Variants in JARID2 observed in about 807,000 individuals in gnomAD.
JARID2 encodes the protein jumonji and AT-rich interaction domain containing 2.
Under a neutral mutation model 125.6 loss-of-function variants are expected in JARID2, and 21 were observed. The observed-to-expected ratio is 0.17, with a 90% confidence interval of 0.12 to 0.24. The LOEUF (loss-of-function observed/expected upper bound fraction) is 0.24, where lower values mean the gene tolerates loss of function less well. Among genes scored for constraint, JARID2 ranks in the 10% least tolerant of loss-of-function variants. JARID2 has a pLI of 1.00. For synonymous variants in JARID2, 736 were observed against 661.6 expected (o/e 1.11, Z -1.73); for missense variants, 1,303 against 1,639.6 (o/e 0.79, Z 3.55).
chr6:15,351,183 G>A (rs1449687867), intron 1 of JARID2, among the ~76,000 whole-genome samples: 1 of 152,114 alleles, frequency 6.6e-6, no homozygotes, highest in Non-Finnish European at 1.5e-5. Context: ...TCACCCCAGG[G>A]AGCCTATAGA....
rs78827482 is a variant in JARID2, at chr6:15,411,129, G to T, written c.323+764G>T. ...TTTGTTCTCTTTATGTTTACCTGGA[G>T]GACCAGCTTCCTGACTTTTTCTTAG... On this transcript the variant is annotated intron_variant, in intron 3 of 17. Coordinates refer to ENST00000341776, the MANE Select transcript of JARID2 (RefSeq NM_004973.4). 7.2e-3 allele frequency among the ~76,000 whole-genome samples: 1,096 copies of T among 152,126 alleles called. 14 individuals carry two copies. Among genetic ancestry groups the T allele is most frequent in the African/African-American group, 0.025 (1,042 of 41,492 alleles).
At position 15,496,834 on chromosome 6, in the gene JARID2, C is replaced by G; in HGVS notation, c.1609C>G (p.Gln537Glu). 6.2e-7 allele frequency: 1 copy of G among 1,603,680 alleles called. No homozygotes were observed. Among genetic ancestry groups the G allele is most frequent in the Non-Finnish European group, 8.5e-7 (1 of 1,173,418 alleles). Residue 537 changes from glutamine (Q) to glutamate (E), a missense_variant, in exon 7 of 18, where the codon CAG becomes GAG. By Grantham distance (29) the Gln-to-Glu change is conservative (BLOSUM62 2). Transcript: ENST00000341776. ...GCAACCGGAGTCCGTGCACAAGCCGCAGGACTCGGGCAAGGCCGAGAAGGG... is the reference window on the plus strand; with the variant it reads ...GCAACCGGAGTCCGTGCACAAGCCGGAGGACTCGGGCAAGGCCGAGAAGGG... Reference protein sequence around the residue: ...TSQPESVHKPQDSGKAEKGGG... With the variant: ...TSQPESVHKPEDSGKAEKGGG...
At chr6:15,456,788 G>A (rs1768195389) in intron 4 of JARID2, among the ~76,000 whole-genome samples, 1 of 149,930 alleles carries the variant, frequency 6.7e-6, no homozygotes, top group South Asian at 2.1e-4. Flanking sequence ...CTGTATTTCA[G>A]TGTGTACAAA....
chr6:15,393,629 G>A (rs1374033080), intron 2 of JARID2, among the ~76,000 whole-genome samples: 3 of 152,134 alleles, frequency 2.0e-5, no homozygotes, highest in African/African-American at 7.2e-5. Flanking sequence ...CATATTTATC[G>A]TTGCAGCACT....
chr6:15,303,698 C>T (rs996480606), intron 1 of JARID2, among the ~76,000 whole-genome samples: 15 of 152,172 alleles, frequency 9.9e-5, no homozygotes, highest in African/African-American at 2.7e-4. Flanking sequence ...TACTGACCTC[C>T]GCTCCCAAGG....
intron 5 of JARID2, among the ~76,000 whole-genome samples, chr6:15,482,513 CA>C (rs985215869): frequency 6.6e-6 from 1 of 152,022 alleles, no homozygotes; most frequent in Non-Finnish European, 1.5e-5. Flanking sequence ...AGTCCAAAAC[CA>C]AAAACTTATT....
At chr6:15,307,334 T>G (rs1761867505) in intron 1 of JARID2, among the ~76,000 whole-genome samples, 2 of 151,950 alleles carry the variant, frequency 1.3e-5, no homozygotes, top group Admixed American at 1.3e-4. Context: ...GTGATTCTCC[T>G]GCCTCAGCCT....
intron 4 of JARID2, among the ~76,000 whole-genome samples, chr6:15,456,565 T>C (rs1442843309): frequency 6.6e-6 from 1 of 152,120 alleles, no homozygotes; most frequent in Non-Finnish European, 1.5e-5. Flanking sequence ...GTATTAAAAA[T>C]GAGTCATCCT....
At chr6:15,473,582 G>A (rs186784072) in intron 5 of JARID2, among the ~76,000 whole-genome samples, 2 of 142,406 alleles carry the variant, frequency 1.4e-5, no homozygotes, top group Admixed American at 7.8e-5. Context: ...TCCTTAAGAG[G>A]GGGGTGGTGT....
intron 2 of JARID2, among the ~76,000 whole-genome samples, chr6:15,393,952 G>C (rs1314648039): frequency 1.3e-5 from 2 of 152,008 alleles, no homozygotes; most frequent in Non-Finnish European, 2.9e-5. Flanking sequence ...AAAGGCCCAA[G>C]TATCTAGAAA....
At chr6:15,408,257 C>G (rs187979322) in intron 2 of JARID2, among the ~76,000 whole-genome samples, 1 of 152,194 alleles carries the variant, frequency 6.6e-6, no homozygotes, top group African/African-American at 2.4e-5. Context: ...ATCTCAAAAG[C>G]AAAAAGAAAA....
chr6:15,351,343 TG>T (rs1037023894), intron 1 of JARID2, among the ~76,000 whole-genome samples: 2 of 152,190 alleles, frequency 1.3e-5, no homozygotes, highest in African/African-American at 4.8e-5. Context: ...GTCAACCTCT[TG>T]TTTTTGTTCC....
intron 3 of JARID2, among the ~76,000 whole-genome samples, chr6:15,413,000 G>GTT (rs1561845196): frequency 6.2e-5 from 4 of 65,026 alleles, no homozygotes; most frequent in Non-Finnish European, 8.8e-5. Flanking sequence ...GGAAGAGCTT[G>GTT]TGTTTTTGTT....
At chr6:15,420,106 A>G (rs1228223522) in intron 3 of JARID2, among the ~76,000 whole-genome samples, 3 of 152,102 alleles carry the variant, frequency 2.0e-5, no homozygotes, top group African/African-American at 4.8e-5. Flanking sequence ...TTTATCTCAG[A>G]CATTGTTATT....
intron 1 of JARID2, among the ~76,000 whole-genome samples, chr6:15,316,000 G>C (rs765003881): frequency 6.6e-6 from 1 of 151,940 alleles, no homozygotes. Context: ...CAGTTTACAC[G>C]AGTCCTGCTT....
intron 3 of JARID2, among the ~76,000 whole-genome samples, chr6:15,439,220 T>C (rs939264160): frequency 1.3e-5 from 2 of 152,166 alleles, no homozygotes; most frequent in African/African-American, 4.8e-5. Context: ...TGGACATTGC[T>C]CATTTAAGAA....
At chr6:15,281,279 G>GAC (rs1215881072) in intron 1 of JARID2, among the ~76,000 whole-genome samples, 4 of 152,208 alleles carry the variant, frequency 2.6e-5, no homozygotes, top group African/African-American at 7.2e-5. Context: ...TTTTGGATTT[G>GAC]ACCCACACTG....
At position 15,412,150 on chromosome 6, in the gene JARID2, A is replaced by G. The variant is rs896236890; in HGVS notation, c.323+1785A>G. ...TATCTTACTGAATTAAGGATTCATT[A>G]CAGCCTACTAACTTGGTTCTGGTCT... On this transcript the variant is annotated intron_variant, in intron 3 of 17. Transcript: ENST00000341776. Among the ~76,000 whole-genome samples, 3 of 152,224 alleles carry G rather than the reference A, an allele frequency of 2.0e-5. No individual in the cohort carries two copies. The South Asian group carries it at 6.2e-4, about 32-fold the overall frequency.
intron 2 of JARID2, among the ~76,000 whole-genome samples, chr6:15,389,615 T>G (rs1294450584): frequency 6.6e-6 from 1 of 152,216 alleles, no homozygotes; most frequent in Admixed American, 6.5e-5. Flanking sequence ...TTGGAAAGTG[T>G]TACAGAGTTT....
Sources: allele counts gnomAD v4.1 joint callset (sites outside exome capture counted in the v4.1 genomes callset), GRCh38; gene constraint gnomAD v4.1.1; transcripts MANE v1.5; gene names NCBI Gene and HGNC (gene_info 2026-07-23, HGNC 2026-07-21).